Variants in STK32C observed in about 807,000 individuals in gnomAD.
STK32C encodes the protein serine/threonine-protein kinase 32C.
A neutral mutation model predicts 56.5 loss-of-function variants in STK32C; 31 were observed. The observed-to-expected ratio is 0.55, with a 90% CI of 0.41 to 0.74. STK32C has a LOEUF of 0.74. Ranked by LOEUF, STK32C falls within the 30% of genes least tolerant of loss-of-function variation. The pLI is 0.00. For missense variants in STK32C, 544 were observed against 676.9 expected (o/e 0.80, Z 2.18); for synonymous variants, 309 against 289.4 (o/e 1.07, Z -0.69).
intron 2 of STK32C, among the ~76,000 whole-genome samples, chr10:132,231,113 CCT>C (rs1437994011): frequency 6.6e-6 from 1 of 152,204 alleles, no homozygotes; most frequent in Non-Finnish European, 1.5e-5. Context: ...GCCCCTTGGC[CCT>C]GTGACCCAAG....
chr10:132,253,507 T>TG (rs1486301919), intron 1 of STK32C, among the ~76,000 whole-genome samples: 2 of 71,860 alleles, frequency 2.8e-5, no homozygotes, highest in Non-Finnish European at 5.1e-5. Flanking sequence ...TCGAGGGAGC[T>TG]GAGGGAGCTG....
chr10:132,211,021 C>T (rs2062281666), intron 10 of STK32C, among the ~76,000 whole-genome samples: 1 of 152,222 alleles, frequency 6.6e-6, no homozygotes, highest in African/African-American at 2.4e-5. Flanking sequence ...GACTCCCACG[C>T]TCTCTGCGGG....
At chr10:132,331,614 G>A in exon 1 of STK32C, 1 of 1,612,904 alleles carries the variant, frequency 6.2e-7, no homozygotes, top group South Asian at 1.1e-5. Context: ...AGCCCAGCGG[G>A]AAGGACAGGC....
intron 1 of STK32C, among the ~76,000 whole-genome samples, chr10:132,287,954 T>C (rs970188198): frequency 1.1e-4 from 17 of 152,120 alleles, no homozygotes; most frequent in African/African-American, 3.9e-4. Context: ...CTTCCAAGAC[T>C]TATAAAGCTA....
chr10:132,234,918 T>C (rs974234403), intron 2 of STK32C, among the ~76,000 whole-genome samples: 1 of 152,196 alleles, frequency 6.6e-6, no homozygotes, highest in African/African-American at 2.4e-5. Context: ...GGGCAAGTGA[T>C]GTGGCTGTGA....
At chr10:132,241,928 G>A (rs144807898) in intron 2 of STK32C, among the ~76,000 whole-genome samples, 2,945 of 152,154 alleles carry the variant, frequency 0.019, 94 homozygotes, top group African/African-American at 0.065. Flanking sequence ...AGAACATAGC[G>A]AAACCCTGTC....
intron 1 of STK32C, among the ~76,000 whole-genome samples, chr10:132,261,594 G>A (rs35928390): frequency 0.24 from 36,217 of 152,018 alleles, 4,992 homozygotes; most frequent in Non-Finnish European, 0.33. Flanking sequence ...GTAAAACCCT[G>A]TCTCTATTAA....
At chr10:132,226,165 A>G (rs2062881383) in intron 4 of STK32C, among the ~76,000 whole-genome samples, 1 of 152,252 alleles carries the variant, frequency 6.6e-6, no homozygotes, top group African/African-American at 2.4e-5. Context: ...GTACACAGCC[A>G]GTGCTCAGTG....
At chr10:132,249,347 C>T (rs886979423) in intron 1 of STK32C, among the ~76,000 whole-genome samples, 3 of 152,132 alleles carry the variant, frequency 2.0e-5, no homozygotes, top group African/African-American at 4.8e-5. Context: ...CACAGGGACA[C>T]CAAGGGACAC....
intron 8 of STK32C, among the ~76,000 whole-genome samples, chr10:132,223,441 T>C (rs950786622): frequency 2.0e-5 from 3 of 152,238 alleles, no homozygotes; most frequent in African/African-American, 7.2e-5. Context: ...ATCCCAGCGC[T>C]GGCACCTCCC....
intron 1 of STK32C, among the ~76,000 whole-genome samples, chr10:132,247,459 C>T (rs183773726): frequency 6.4e-4 from 97 of 152,304 alleles, no homozygotes; most frequent in Middle Eastern, 6.8e-3. Flanking sequence ...CAAGGACCCA[C>T]GGAGGCTTCA....
chr10:132,332,130 C>T (rs1056984917), upstream of STK32C: 2 of 180,796 alleles, frequency 1.1e-5, no homozygotes, highest in Admixed American at 1.3e-4. Flanking sequence ...TCGCGCTCAG[C>T]GTGGCGCCTG....
intron 1 of STK32C, among the ~76,000 whole-genome samples, chr10:132,273,493 G>A (rs2064895454): frequency 6.6e-6 from 1 of 152,150 alleles, no homozygotes; most frequent in African/African-American, 2.4e-5. Flanking sequence ...GTGAACGAAT[G>A]CACGGTTAAT....
chr10:132,311,799 A>T (rs1166005804), upstream of STK32C, among the ~76,000 whole-genome samples: 1 of 152,156 alleles, frequency 6.6e-6, no homozygotes, highest in Non-Finnish European at 1.5e-5. This position sits in a 1 kb window ranked among gnomAD's most constrained non-coding sequence, Gnocchi z 4.4. Flanking sequence ...CTACTCCAGG[A>T]TGATATCATC....
chr10:132,281,903 G>A (rs79705765), intron 1 of STK32C, among the ~76,000 whole-genome samples: 2 of 113,790 alleles, frequency 1.8e-5, no homozygotes, highest in East Asian at 2.2e-4. Context: ...GGTGGGGTCT[G>A]GGGGGAAGAG....
chr10:132,306,558 G>A (rs1170706238), intron 1 of STK32C, among the ~76,000 whole-genome samples: 1 of 152,188 alleles, frequency 6.6e-6, no homozygotes, highest in Admixed American at 6.5e-5. Flanking sequence ...GCCTGAGGTC[G>A]TATTACTGTA....
In STK32C at chr10:132,306,441, C is replaced by T. The variant is rs1269186716; in HGVS notation, c.262+1131G>A. On this transcript the variant is annotated intron_variant, in intron 1 of 11. Coordinates refer to ENST00000298630, the MANE Select transcript of STK32C (RefSeq NM_173575.4). ...ACGGGCCACCCTGGAGCGTGTGGGG[C>T]CTGGTGTGGCTGGGCCTTCAGCCCT... is the stretch of plus-strand genomic sequence containing the variant. 2.0e-5 allele frequency among the ~76,000 whole-genome samples: 3 copies of T among 152,386 alleles called. No homozygotes were observed. In the East Asian group the frequency reaches 5.8e-4, roughly 29 times the overall value.
intron 1 of STK32C, among the ~76,000 whole-genome samples, chr10:132,318,573 C>T (rs754882331): frequency 3.3e-5 from 5 of 151,422 alleles, no homozygotes; most frequent in Non-Finnish European, 5.9e-5. Context: ...TGAGATTGCG[C>T]CACTGCACTC....
At chr10:132,218,597 G>C (rs2062539943) in intron 10 of STK32C, among the ~76,000 whole-genome samples, 1 of 152,156 alleles carries the variant, frequency 6.6e-6, no homozygotes, top group South Asian at 2.1e-4. Context: ...CACACTGCTG[G>C]TAGGGGCATA....
Sources: gnomAD v4.1 joint callset for allele counts (sites outside exome capture counted in the v4.1 genomes callset) on GRCh38, gnomAD v4.1.1 for gene constraint, Gnocchi (gnomAD v3.1) non-coding constraint, MANE v1.5 for transcripts, NCBI Gene and HGNC (gene_info 2026-07-23, HGNC 2026-07-21) for gene names.